Variants in PAX2 observed in about 807,000 individuals in gnomAD.
PAX2 encodes the protein paired box 2.
A neutral mutation model predicts 41.7 loss-of-function variants in PAX2; 9 were observed. The observed-to-expected ratio is 0.22, with a 90% CI of 0.13 to 0.38. PAX2 has a LOEUF of 0.38. PAX2 is among the 10% of genes least tolerant of loss of function. PAX2 has a pLI of 1.00. For synonymous variants in PAX2, 221 were observed against 212.7 expected (o/e 1.04, Z -0.34); for missense variants, 418 against 531.6 (o/e 0.79, Z 2.10).
chr10:100,790,924 A>G (rs1440309903), intron 5 of PAX2, among the ~76,000 whole-genome samples: 1 of 152,194 alleles, frequency 6.6e-6, no homozygotes, highest in South Asian at 2.1e-4. Context: ...CCTCAGAGCC[A>G]AGTTGCAGCC....
intron 7 of PAX2, among the ~76,000 whole-genome samples, chr10:100,812,136 G>A (rs917207916): frequency 2.3e-4 from 35 of 152,212 alleles, no homozygotes; most frequent in African/African-American, 8.4e-4. Context: ...CTAGGGCTCA[G>A]CCCCATAGCC....
Position 100,829,556 on chromosome 10 carries a change from A to T in PAX2, c.*1937A>T. The T allele has an allele frequency of 4.8e-6, 1 of 207,818 alleles. No individual in the cohort carries two copies. Among genetic ancestry groups the T allele is most frequent in the Non-Finnish European group, 9.9e-6 (1 of 101,244 alleles). The allele number at this position is 207,818 out of a possible 1,614,324, so 12.9% of individuals were successfully genotyped here. A position where few individuals can be genotyped will look rare whatever the true frequency, so the allele number is the denominator to read the frequency against. On this transcript the variant is annotated 3_prime_UTR_variant, in exon 10 of 10. Transcript: ENST00000355243. ...CGAAATAACAGAAACAAAGTCAATA[A>T]AGTGAAAATAAATAAAAATCCTTGA...
At chr10:100,799,175 C>A (rs1249224641) in intron 5 of PAX2, among the ~76,000 whole-genome samples, 2 of 152,202 alleles carry the variant, frequency 1.3e-5, no homozygotes, top group African/African-American at 4.8e-5. Flanking sequence ...CCCAGCACAG[C>A]TGGCCCCTGA....
exon 1 of PAX2, among the ~76,000 whole-genome samples, chr10:100,735,426 T>TG (rs1382632783): frequency 2.0e-5 from 3 of 152,118 alleles, no homozygotes; most frequent in African/African-American, 7.2e-5. Flanking sequence ...TGCCTGCGGC[T>TG]GGCTGGGGCC....
rs959412829 is a variant in PAX2, at chr10:100,748,889, G to A, written c.44-857G>A. 5 of 985,282 alleles carry A rather than the reference G, an allele frequency of 5.1e-6. No homozygotes were observed. The highest frequency in any genetic ancestry group is 6.0e-6 in the Non-Finnish European group (5 of 829,936). 61.0% of individuals were successfully genotyped at this position (985,282 alleles called of 1,614,324 possible). ...TTAACTCGCCAGCGAGGCCTATGCC[G>A]TGCCACCTGGGCGAGACGGTGGGCC... On this transcript the variant is annotated intron_variant, in intron 1 of 9. Transcript: ENST00000355243. This position sits in a 1 kb window ranked among gnomAD's most constrained non-coding sequence, Gnocchi z 5.0.
At chr10:100,786,845 G>A in intron 5 of PAX2, 1 of 622,260 alleles carries the variant, frequency 1.6e-6, no homozygotes, top group Non-Finnish European at 2.8e-6. Flanking sequence ...CCCTTAGAAG[G>A]GGAGTCTGGT....
chr10:100,809,647 C>A (rs1159047892), intron 7 of PAX2, among the ~76,000 whole-genome samples: 3 of 152,242 alleles, frequency 2.0e-5, no homozygotes, highest in Non-Finnish European at 4.4e-5. Flanking sequence ...GTCTCCAAGG[C>A]TCCTGGGGGA....
intron 3 of PAX2, among the ~76,000 whole-genome samples, chr10:100,772,769 G>A (rs1040667197): frequency 6.6e-6 from 1 of 152,226 alleles, no homozygotes; most frequent in Admixed American, 6.5e-5. Flanking sequence ...CCTGCCTCAA[G>A]CCTGGTCATG....
chr10:100,801,544 G>A (rs1847564626), intron 5 of PAX2, among the ~76,000 whole-genome samples: 1 of 152,222 alleles, frequency 6.6e-6, no homozygotes, highest in African/African-American at 2.4e-5. Context: ...CCCAGTCCTG[G>A]GAGTCCCATT....
chr10:100,758,744 C>A (rs77691917), intron 3 of PAX2, among the ~76,000 whole-genome samples: 2,396 of 151,866 alleles, frequency 0.016, 82 homozygotes, highest in African/African-American at 0.056. Context: ...CAACTTTGGG[C>A]CTGATTCCAT....
At chr10:100,804,989 C>G (rs1169639341) in intron 5 of PAX2, among the ~76,000 whole-genome samples, 8 of 149,378 alleles carry the variant, frequency 5.4e-5, no homozygotes, top group African/African-American at 2.0e-4. Flanking sequence ...CTCTCTCTCT[C>G]TCTCTCTCCT....
intron 3 of PAX2, among the ~76,000 whole-genome samples, chr10:100,759,587 C>G (rs1398714936): frequency 1.3e-5 from 2 of 152,216 alleles, no homozygotes; most frequent in Non-Finnish European, 2.9e-5. Flanking sequence ...TCTGCCTGCC[C>G]TCAGTCCTGC....
At chr10:100,815,825 G>T (rs1848167719) in intron 7 of PAX2, among the ~76,000 whole-genome samples, 1 of 152,212 alleles carries the variant, frequency 6.6e-6, no homozygotes, top group Non-Finnish European at 1.5e-5. Flanking sequence ...GTCCTTGTCT[G>T]TGCCTACCGG....
chr10:100,773,764 C>A (rs530049124), intron 3 of PAX2, among the ~76,000 whole-genome samples: 1 of 152,076 alleles, frequency 6.6e-6, no homozygotes, highest in African/African-American at 2.4e-5. Context: ...GTGTATGATT[C>A]CAGCAGACAC....
chr10:100,781,442 C>A, intron 5 of PAX2, 77 bp downstream of exon 5: 1 of 1,470,868 alleles, frequency 6.8e-7, no homozygotes, highest in Non-Finnish European at 9.5e-7. Context: ...TTCGGCCTGG[C>A]CTCGCAGCTG....
At position 100,748,231 on chromosome 10, in the gene PAX2, A is replaced by C. The variant is rs1589809244; in HGVS notation, c.44-1515A>C. ...ATCTGCCCGCAGCTGCCGCCTTTTC[A>C]TACCGGTAACGCGAGTTCTCCCGGG... is the stretch of plus-strand genomic sequence containing the variant. On this transcript the variant is annotated intron_variant, in intron 1 of 9. Transcript: ENST00000355243. This position sits in a 1 kb window ranked among gnomAD's most constrained non-coding sequence, Gnocchi z 5.0. The C allele has an allele frequency of 4.1e-6, 4 of 984,952 alleles. No individual in the cohort carries two copies. The highest frequency in any genetic ancestry group is 1.1e-4 in the East Asian group (1 of 8,698). 61.0% of individuals were successfully genotyped at this position (984,952 alleles called of 1,614,324 possible).
rs547225575 is a variant in PAX2 at position 100,825,236 on chromosome 10, C to T, written c.1021+487C>T. On this transcript the variant is annotated intron_variant, in intron 8 of 9. Transcript: ENST00000355243. ...TGTTGAGAACCAACCCCAACCCCAA[C>T]CCAGAGACAGTAGGGAGCTAGTCCC... Among the ~76,000 whole-genome samples the T allele has an allele frequency of 4.6e-5, 7 of 152,234 alleles. No individual in the cohort carries two copies. In the South Asian group the frequency reaches 1.5e-3, roughly 32 times the overall value.
chr10:100,787,858 G>A (rs1009658977), intron 5 of PAX2, among the ~76,000 whole-genome samples: 1 of 151,932 alleles, frequency 6.6e-6, no homozygotes, highest in African/African-American at 2.4e-5. Flanking sequence ...AAGCCAGGAG[G>A]GTGGAAGAAG....
chr10:100,757,237 G>T (rs749632864), intron 3 of PAX2, among the ~76,000 whole-genome samples: 2 of 152,216 alleles, frequency 1.3e-5, no homozygotes, highest in East Asian at 1.9e-4. Flanking sequence ...AGGGAGGAAG[G>T]CTCACAGGAC....
Sources: gnomAD v4.1 joint callset for allele counts (sites outside exome capture counted in the v4.1 genomes callset) on GRCh38, gnomAD v4.1.1 for gene constraint, Gnocchi (gnomAD v3.1) non-coding constraint, MANE v1.5 for transcripts, NCBI Gene and HGNC (gene_info 2026-07-23, HGNC 2026-07-21) for gene names.